Variants in ADD2 observed in about 807,000 individuals in gnomAD.
ADD2 encodes the protein adducin 2.
ADD2 carries 23 observed loss-of-function variants against 83.0 expected under a neutral mutation model. The ratio of observed to expected loss-of-function variants is 0.28; its 90% CI spans 0.20 to 0.39. The LOEUF is 0.39. ADD2 is among the 10% of genes least tolerant of loss of function. The pLI is 1.00. For synonymous variants in ADD2, 375 were observed against 375.4 expected, an observed-to-expected ratio of 1.00 and a Z score of 0.01; for missense variants, 758 against 944.9, an observed-to-expected ratio of 0.80 and a Z score of 2.59.
Position 70,706,604 on chromosome 2 carries a change from G to T in ADD2, c.-34-162C>A, listed in dbSNP as rs1246639716. ...GGGAGGAGGGCAGGACGCCAGCAGC[G>T]GCCCCATATACCCATCTATAGGGGC... On this transcript the variant is annotated intron_variant, in intron 2 of 15. Coordinates refer to ENST00000264436, the MANE Select transcript of ADD2 (RefSeq NM_001617.4). The surrounding 1 kb of genome is among the most constrained non-coding windows in gnomAD (Gnocchi z 5.0). Among the ~76,000 whole-genome samples, 1 of 152,186 alleles carries T rather than the reference G, an allele frequency of 6.6e-6. No individual in the cohort carries two copies. Among genetic ancestry groups the T allele is most frequent in the Non-Finnish European group, 1.5e-5 (1 of 68,020 alleles).
At chr2:70,759,879 C>T (rs988170089) in intron 1 of ADD2, among the ~76,000 whole-genome samples, 9 of 152,184 alleles carry the variant, frequency 5.9e-5, no homozygotes, top group Non-Finnish European at 8.8e-5. Context: ...AGATTTCCCA[C>T]GGCCCTTAGA....
chr2:70,710,833 G>A (rs1257034706), intron 2 of ADD2, among the ~76,000 whole-genome samples: 6 of 152,202 alleles, frequency 3.9e-5, no homozygotes, highest in African/African-American at 1.4e-4. Flanking sequence ...AATGTATGTG[G>A]AGTATTTAAA....
At chr2:70,739,688 C>T (rs916655953) in intron 1 of ADD2, among the ~76,000 whole-genome samples, 1 of 152,348 alleles carries the variant, frequency 6.6e-6, no homozygotes, top group Non-Finnish European at 1.5e-5. Flanking sequence ...TACTATGTAG[C>T]CATGAAAAAG....
At chr2:70,728,326 G>C (rs1176389710) in intron 1 of ADD2, among the ~76,000 whole-genome samples, 2 of 152,150 alleles carry the variant, frequency 1.3e-5, no homozygotes, top group East Asian at 3.8e-4. Context: ...TGACAGAGTC[G>C]GGAAGGCCCT....
chr2:70,698,145 C>G (rs1341841817), intron 4 of ADD2, among the ~76,000 whole-genome samples: 1 of 152,194 alleles, frequency 6.6e-6, no homozygotes, highest in African/African-American at 2.4e-5. Context: ...CAAAGGTGGG[C>G]AGGTGGGGCT....
chr2:70,695,862 T>C (rs1207998770), intron 5 of ADD2, 61 bp from the exon 6 acceptor site: 17 of 1,428,412 alleles, frequency 1.2e-5, no homozygotes, highest in Admixed American at 1.1e-4. Flanking sequence ...CCAAGGACAC[T>C]GTGCTTGAAT....
chr2:70,760,402 G>A (rs1299584657), intron 1 of ADD2, among the ~76,000 whole-genome samples: 1 of 152,120 alleles, frequency 6.6e-6, no homozygotes, highest in Non-Finnish European at 1.5e-5. Context: ...AAGCAAAGTA[G>A]GGCTCCAAAT....
At position 70,748,357 on chromosome 2, in the gene ADD2, T is replaced by C. The variant is rs57858068; in HGVS notation, c.-154+19529A>G. On this transcript the variant is annotated intron_variant, in intron 1 of 15. Transcript: ENST00000264436. ...TGTCTCTGTGTAGCTATCATTGACATTATTATTCATCAAAGTAAGCTGAGT... is the reference window on the plus strand; with the variant it reads ...TGTCTCTGTGTAGCTATCATTGACACTATTATTCATCAAAGTAAGCTGAGT... Among the ~76,000 whole-genome samples, 990 of 152,216 alleles carry C rather than the reference T, an allele frequency of 6.5e-3. 6 individuals carry two copies. Among genetic ancestry groups the C allele is most frequent in the African/African-American group, 0.023 (940 of 41,496 alleles).
At chr2:70,673,235 AC>A (rs1553367489) in intron 14 of ADD2, 2 of 1,613,802 alleles carry the variant, frequency 1.2e-6, no homozygotes, top group African/African-American at 1.3e-5. Context: ...ATCAAAACAC[AC>A]CTACCAATAT....
At chr2:70,699,352 A>G (rs1357954880) in intron 4 of ADD2, among the ~76,000 whole-genome samples, 3 of 152,352 alleles carry the variant, frequency 2.0e-5, no homozygotes, top group East Asian at 1.9e-4. Context: ...AAATACAGGG[A>G]TAAGGGGAAA....
chr2:70,668,880 T>C (rs911961430), intron 15 of ADD2, among the ~76,000 whole-genome samples: 4 of 152,080 alleles, frequency 2.6e-5, no homozygotes, highest in Non-Finnish European at 5.9e-5. Flanking sequence ...AGAAACAGGA[T>C]TTGCTGACGC....
At chr2:70,760,578 TTATAAA>T (rs1553384664) in intron 1 of ADD2, 1 of 152,138 alleles carries the variant, frequency 6.6e-6, no homozygotes, top group Non-Finnish European at 1.5e-5. Flanking sequence ...GATTATAAAA[TTATAAA>T]AGCAAGCAAG....
chr2:70,719,526 A>G (rs3755357), intron 1 of ADD2, among the ~76,000 whole-genome samples: 47,853 of 152,038 alleles, frequency 0.31, 8,273 homozygotes, highest in African/African-American at 0.47. Flanking sequence ...TCATGCCTTC[A>G]TGAAAGGGAA....
intron 15 of ADD2, among the ~76,000 whole-genome samples, chr2:70,670,852 T>C (rs1669865720): frequency 6.6e-6 from 1 of 152,188 alleles, no homozygotes; most frequent in Non-Finnish European, 1.5e-5. Flanking sequence ...CAAGGTGCCA[T>C]GCTCCCTAGC....
chr2:70,663,582 G>T lies in ADD2; in HGVS notation c.2024C>A (p.Thr675Lys), dbSNP rs374483089. The T allele has an allele frequency of 8.7e-6, 14 of 1,614,136 alleles. No homozygotes were observed. Among genetic ancestry groups the T allele is most frequent in the African/African-American group, 2.7e-5 (2 of 75,014 alleles). ...GLSQMTTSAD[T>K]DVDTSKDKTE... ...TTTGTCCTTAGAGGTATCAACATCC[G>T]TGTCAGCACTGGTGGTCATCTGGCT... is the stretch of plus-strand genomic sequence containing the variant. Residue 675 changes from threonine (T) to lysine (K), a missense_variant, in exon 16 of 16, where the codon ACG becomes AAG. This residue lies in a region of ADD2 where 165 missense variants were observed against 176.2 expected (regional missense o/e 0.94). Transcript: ENST00000264436.
At position 70,676,672 on chromosome 2, in the gene ADD2, G is replaced by A. The variant is rs369341647; in HGVS notation, c.1593+124C>T. Reference sequence around the variant, plus strand: ...GCCTCCATTTTGCAGCAAGAGCACCGGCACCCAAGATCACAGGGGAAGGTG... The same window carrying A: ...GCCTCCATTTTGCAGCAAGAGCACCAGCACCCAAGATCACAGGGGAAGGTG... On this transcript the variant is annotated intron_variant, in intron 13 of 15. Coordinates refer to ENST00000264436, the MANE Select transcript of ADD2 (RefSeq NM_001617.4). The surrounding 1 kb of genome is among the most constrained non-coding windows in gnomAD (Gnocchi z 4.8). 56 of 1,505,792 alleles carry A rather than the reference G, an allele frequency of 3.7e-5. No individual in the cohort carries two copies. The East Asian group carries it at 5.2e-4, about 14-fold the overall frequency. 93.3% of individuals were successfully genotyped at this position (1,505,792 alleles called of 1,614,324 possible).
In ADD2 at chr2:70,687,996, G is replaced by T; in HGVS notation, c.948+28C>A. On this transcript the variant is annotated intron_variant, in intron 9 of 15. Transcript: ENST00000264436. Reference sequence around the variant, plus strand: ...AGGCCCCTGTCAGAGCCCACTCCTGGGCCCACTTTCCAGGAGAATTTGCTC... The same window carrying T: ...AGGCCCCTGTCAGAGCCCACTCCTGTGCCCACTTTCCAGGAGAATTTGCTC... 4 of 1,595,804 alleles carry T rather than the reference G, an allele frequency of 2.5e-6. 1 individual carries two copies. In the South Asian group the frequency reaches 4.4e-5, roughly 18 times the overall value.
chr2:70,677,939 G>T (rs1553368729), intron 11 of ADD2, 62 bp from the exon 12 acceptor site: 1 of 1,605,884 alleles, frequency 6.2e-7, no homozygotes, highest in Non-Finnish European at 8.5e-7. Flanking sequence ...CCTCCCCAGT[G>T]GTCCACCCAC....
At chr2:70,757,762 C>T (rs1439534332) in intron 1 of ADD2, among the ~76,000 whole-genome samples, 5 of 151,958 alleles carry the variant, frequency 3.3e-5, no homozygotes, top group Admixed American at 6.6e-5. Context: ...GACTCCATGC[C>T]GAGTAAAGAA....
Sources: allele counts gnomAD v4.1 joint callset (sites outside exome capture counted in the v4.1 genomes callset), GRCh38; gene constraint gnomAD v4.1.1; regional missense constraint gnomAD v4.1.1; non-coding constraint Gnocchi (gnomAD v3.1); transcripts MANE v1.5; gene names NCBI Gene and HGNC (gene_info 2026-07-23, HGNC 2026-07-21).